The following MTPAP variants were observed in gnomAD, a reference collection of about 807,000 sequenced individuals.
MTPAP encodes the protein poly(A) RNA polymerase, mitochondrial.
In MTPAP, 23 loss-of-function variants were observed where a neutral mutation model predicts 48.7. The ratio of observed to expected loss-of-function variants is 0.47; its 90% CI spans 0.34 to 0.67. MTPAP has a LOEUF of 0.67. MTPAP is among the 30% of genes least tolerant of loss of function. The probability of loss-of-function intolerance (pLI) is 0.01; values close to 1 mark genes in which losing one functional copy is unlikely to be tolerated. For missense variants in MTPAP, 614 were observed against 694.3 expected (o/e 0.88, Z 1.30); for synonymous variants, 257 against 254.1 (o/e 1.01, Z -0.11).
intron 4 of MTPAP, among the ~76,000 whole-genome samples, chr10:30,330,591 G>C (rs772714187): frequency 4.5e-4 from 68 of 152,338 alleles, no homozygotes; most frequent in Middle Eastern, 6.8e-3. Context: ...TCTGATTAAT[G>C]GAACTGGGCG....
rs1178747191 is a variant in MTPAP at position 30,313,110 on chromosome 10, A to G, written c.*499T>C. The stretch of plus-strand genomic sequence containing the variant: ...TTGCCAACGTACTGTACATAACTAA[A>G]AGTCATTTTAAATGTTTTCTAAACA... On this transcript the variant is annotated 3_prime_UTR_variant, in exon 9 of 9. Coordinates refer to ENST00000263063, the MANE Select transcript of MTPAP (RefSeq NM_018109.4). 1.2e-5 allele frequency: 2 copies of G among 173,134 alleles called. No homozygotes were observed. Among genetic ancestry groups the G allele is most frequent in the Non-Finnish European group, 2.5e-5 (2 of 80,280 alleles). 10.7% of individuals were successfully genotyped at this position (173,134 alleles called of 1,614,324 possible). A position where few individuals can be genotyped will look rare whatever the true frequency, so the allele number is the denominator to read the frequency against.
chr10:30,313,867 T>G lies in MTPAP; in HGVS notation c.1491A>C (p.Lys497Asn), dbSNP rs984681123. 12 of 1,614,066 alleles carry G rather than the reference T, an allele frequency of 7.4e-6. No individual in the cohort carries two copies. The highest frequency in any genetic ancestry group is 1.0e-5 in the Non-Finnish European group (12 of 1,180,032). ...SKNVSQSQLQ[K>N]FVDLARESAW... ...CACTTTCTCGGGCCAAATCTACAAA[T>G]TTTTGCAGCTGGCTTTGACTTACAT... is the stretch of plus-strand genomic sequence containing the variant. Residue 497 changes from lysine to asparagine, a missense_variant, in exon 9 of 9, where the codon AAA becomes AAC. Lys to Asn is a moderately conservative substitution (Grantham distance 94). Coordinates refer to ENST00000263063, the MANE Select transcript of MTPAP (RefSeq NM_018109.4).
intron 6 of MTPAP, 27 bp from the exon 7 acceptor site, chr10:30,316,237 CGT>C (rs779056659): frequency 6.4e-7 from 1 of 1,567,938 alleles, no homozygotes; most frequent in Non-Finnish European, 8.8e-7. Flanking sequence ...AAATATTTCA[CGT>C]GTTTTTTTTT....
intron 3 of MTPAP, among the ~76,000 whole-genome samples, chr10:30,339,039 C>T (rs952427961): frequency 3.9e-5 from 6 of 152,062 alleles, no homozygotes; most frequent in South Asian, 2.1e-4. Context: ...AAGAGAATGG[C>T]GTGAACCCAG....
chr10:30,336,733 G>T, intron 4 of MTPAP, 70 bp downstream of exon 4: 1 of 1,212,692 alleles, frequency 8.2e-7, no homozygotes, highest in Non-Finnish European at 1.2e-6. Flanking sequence ...ATTTTATTAA[G>T]TTCAAAGATT....
Position 30,330,367 on chromosome 10 carries a change from T to C in MTPAP, c.781-3732A>G, listed in dbSNP as rs374703372. Reference sequence around the variant, plus strand: ...GAATCCAAACAAAAGCAAAGACAGATTGGGGGTCTATCTCAGGATGGCAAA... The same window carrying C: ...GAATCCAAACAAAAGCAAAGACAGACTGGGGGTCTATCTCAGGATGGCAAA... On this transcript the variant is annotated intron_variant, in intron 4 of 8. Transcript: ENST00000263063. 7.0e-4 allele frequency among the ~76,000 whole-genome samples: 107 copies of C among 152,096 alleles called. 2 individuals are homozygous for C. The highest frequency in any genetic ancestry group is 2.5e-3 in the African/African-American group (104 of 41,512).
chr10:30,322,956 C>T (rs1043366728), intron 5 of MTPAP, among the ~76,000 whole-genome samples: 2 of 151,156 alleles, frequency 1.3e-5, no homozygotes, highest in African/African-American at 2.4e-5. Context: ...GGTGAAACCC[C>T]TTCTCTACTA....
At chr10:30,323,178 C>T (rs1205704600) in intron 5 of MTPAP, among the ~76,000 whole-genome samples, 3 of 147,766 alleles carry the variant, frequency 2.0e-5, no homozygotes, top group Non-Finnish European at 3.0e-5. Flanking sequence ...TAGGACCAGG[C>T]GTAGTGGCTC....
intron 1 of MTPAP, among the ~76,000 whole-genome samples, chr10:30,344,131 T>A (rs1249924020): frequency 6.6e-6 from 1 of 152,154 alleles, no homozygotes; most frequent in Non-Finnish European, 1.5e-5. Context: ...GGATCACATC[T>A]CAACTCCATA....
intron 4 of MTPAP, among the ~76,000 whole-genome samples, chr10:30,336,163 T>C (rs1042823863): frequency 2.6e-5 from 4 of 152,186 alleles, no homozygotes; most frequent in African/African-American, 9.6e-5. Context: ...AGCATACTGC[T>C]ATTTATAAGA....
intron 1 of MTPAP, among the ~76,000 whole-genome samples, chr10:30,342,695 G>C (rs1334969449): frequency 6.6e-6 from 1 of 152,054 alleles, no homozygotes; most frequent in East Asian, 1.9e-4. Flanking sequence ...TGGAAATTCG[G>C]TGTTTTGACA....
intron 6 of MTPAP, 135 bp from the exon 7 acceptor site, chr10:30,316,345 C>A: frequency 1.4e-6 from 1 of 714,302 alleles, no homozygotes; most frequent in Non-Finnish European, 2.4e-6. Flanking sequence ...CAGGTTCCAG[C>A]AATTCTCCTG....
At chr10:30,327,432 G>A (rs1028023886) in intron 4 of MTPAP, among the ~76,000 whole-genome samples, 5 of 151,766 alleles carry the variant, frequency 3.3e-5, no homozygotes, top group Non-Finnish European at 5.9e-5. Flanking sequence ...CCAGGAGATG[G>A]AGGTTGCAGT....
rs762685623 is a variant in MTPAP, at chr10:30,341,556, T to C, written c.242A>G (p.His81Arg). 5.6e-6 allele frequency: 9 copies of C among 1,614,150 alleles called. No homozygotes were observed. The highest frequency in any genetic ancestry group is 1.1e-5 in the South Asian group (1 of 91,076). The change falls in exon 2 of 9, where the codon CAT becomes CGT. Residue 81 changes from histidine to arginine, a missense_variant. His to Arg is a conservative substitution (Grantham distance 29). Transcript: ENST00000263063. ...REQAQRTVLIHCPEKISENKF... is the reference protein window; with the variant it reads ...REQAQRTVLIRCPEKISENKF... ...GTTTTCACTGATTTTCTCTGGGCAATGTATTAAAACAGTCCGCTGTGCCTG... is the reference window on the plus strand; with the variant it reads ...GTTTTCACTGATTTTCTCTGGGCAACGTATTAAAACAGTCCGCTGTGCCTG...
rs183379689 is a variant in MTPAP at position 30,334,209 on chromosome 10, G to A, written c.780+2594C>T. Reference sequence around the variant, plus strand: ...TGGAGTGGAGAAAAAAATCAAGAGCGGTTTCAAGAAGGTAGAATTAGAACT... The same window carrying A: ...TGGAGTGGAGAAAAAAATCAAGAGCAGTTTCAAGAAGGTAGAATTAGAACT... On this transcript the variant is annotated intron_variant, in intron 4 of 8. Transcript: ENST00000263063. 2.4e-3 allele frequency among the ~76,000 whole-genome samples: 363 copies of A among 152,136 alleles called. 4 individuals are homozygous for A. Among genetic ancestry groups the A allele is most frequent in the Non-Finnish European group, 3.5e-3 (238 of 68,010 alleles).
At chr10:30,330,046 A>G (rs1429037577) in intron 4 of MTPAP, among the ~76,000 whole-genome samples, 1 of 152,148 alleles carries the variant, frequency 6.6e-6, no homozygotes, top group Non-Finnish European at 1.5e-5. Context: ...TTATCTCTGG[A>G]GGCAGTGTGA....
chr10:30,320,162 G>A (rs1840705263), intron 6 of MTPAP, among the ~76,000 whole-genome samples: 1 of 152,204 alleles, frequency 6.6e-6, no homozygotes, highest in Non-Finnish European at 1.5e-5. Context: ...TATTGAGGAG[G>A]CTGAGGTGGG....
intron 5 of MTPAP, among the ~76,000 whole-genome samples, chr10:30,323,504 G>T (rs1276372929): frequency 6.7e-6 from 1 of 148,976 alleles, no homozygotes; most frequent in Non-Finnish European, 1.5e-5. Flanking sequence ...CTAGAACTCA[G>T]AATATGTATG....
At chr10:30,332,438 C>T (rs1763565978) in intron 4 of MTPAP, among the ~76,000 whole-genome samples, 1 of 152,044 alleles carries the variant, frequency 6.6e-6, no homozygotes, top group Non-Finnish European at 1.5e-5. Flanking sequence ...GGATTATAGG[C>T]TCCCACCACC....
Sources: gnomAD v4.1 joint callset for allele counts (sites outside exome capture counted in the v4.1 genomes callset) on GRCh38, gnomAD v4.1.1 for gene constraint, MANE v1.5 for transcripts, NCBI Gene and HGNC (gene_info 2026-07-23, HGNC 2026-07-21) for gene names.